PRKD3: variants seen among roughly 807,000 people sequenced by gnomAD.
The protein encoded by PRKD3 is protein kinase D3.
PRKD3 carries 47 observed loss-of-function variants against 99.2 expected under a neutral mutation model. The observed-to-expected ratio is 0.47, with a 90% confidence interval of 0.38 to 0.60. PRKD3 has a LOEUF of 0.60. Among genes scored for constraint, PRKD3 ranks in the 20% least tolerant of loss-of-function variants. PRKD3 has a pLI of 0.00. For synonymous variants in PRKD3, 392 were observed against 355.4 expected (o/e 1.10, Z -1.16); for missense variants, 1,019 against 1,088.4 (o/e 0.94, Z 0.90).
intron 1 of PRKD3, chr2:37,324,354 G>A: frequency 2.6e-6 from 1 of 388,844 alleles, no homozygotes; most frequent in Non-Finnish European, 3.5e-6. Context: ...GTCTCCAGCG[G>A]AGCGCGAACC....
At position 37,266,486 on chromosome 2, in the gene PRKD3, C is replaced by T. The variant is rs535803370; in HGVS notation, c.1884+944G>A. Among the ~76,000 whole-genome samples the T allele has an allele frequency of 3.1e-4, 46 of 148,542 alleles. No homozygotes were observed. In the East Asian group the frequency reaches 5.5e-3, roughly 18 times the overall value. ...GATTACAGGCATGTGCCACCACACC[C>T]GGCTTTTTTTTTTTTTTGAGATGGA... is the stretch of plus-strand genomic sequence containing the variant. On this transcript the variant is annotated intron_variant, in intron 14 of 18. Coordinates refer to ENST00000234179, the MANE Select transcript of PRKD3 (RefSeq NM_005813.6).
At chr2:37,313,665 A>AT (rs1411803118) in intron 2 of PRKD3, among the ~76,000 whole-genome samples, 2 of 152,216 alleles carry the variant, frequency 1.3e-5, no homozygotes, top group East Asian at 3.8e-4. Flanking sequence ...GCAAACACTA[A>AT]TTTTTTATAA....
intron 16 of PRKD3, among the ~76,000 whole-genome samples, chr2:37,258,080 G>A (rs1351378103): frequency 6.6e-6 from 1 of 152,126 alleles, no homozygotes; most frequent in Non-Finnish European, 1.5e-5. Flanking sequence ...ACAAGCAAAT[G>A]CCAGGTACTT....
At chr2:37,254,357 T>C in intron 17 of PRKD3, 68 bp from the exon 18 acceptor site, 2 of 1,218,034 alleles carry the variant, frequency 1.6e-6, no homozygotes, top group Non-Finnish European at 2.4e-6. Context: ...TGTGACTGCC[T>C]AGAAGGCAGT....
At chr2:37,259,530 G>T in intron 16 of PRKD3, 53 bp downstream of exon 16, 3 of 1,375,750 alleles carry the variant, frequency 2.2e-6, no homozygotes, top group Non-Finnish European at 3.1e-6. Flanking sequence ...TATTATGTGG[G>T]TGCTTTGAAA....
intron 15 of PRKD3, 67 bp from the exon 16 acceptor site, chr2:37,259,748 G>A (rs1668263136): frequency 9.9e-6 from 11 of 1,107,218 alleles, no homozygotes; most frequent in Middle Eastern, 2.0e-4. Flanking sequence ...GTGACTCCTT[G>A]AATGATTTAA....
In PRKD3 at chr2:37,263,547, T is replaced by A. The variant is rs146340494; in HGVS notation, c.1885-3163A>T. Among the ~76,000 whole-genome samples, 6 of 152,338 alleles carry A rather than the reference T, an allele frequency of 3.9e-5. No individual in the cohort carries two copies. The East Asian group carries it at 9.6e-4, about 24-fold the overall frequency. ...TTTCTCCTTGTTTTTAGTTTTTCTT[T>A]ATAAATGTTTATGGTGTTATTTGGT... On this transcript the variant is annotated intron_variant, in intron 14 of 18. Transcript: ENST00000234179.
chr2:37,269,472 G>C, intron 13 of PRKD3, 143 bp downstream of exon 13: 1 of 676,444 alleles, frequency 1.5e-6, no homozygotes. Flanking sequence ...CAGTGAGAAG[G>C]ATTTAGCTGA....
intron 2 of PRKD3, 73 bp from the exon 3 acceptor site, chr2:37,293,344 A>G (rs1291020133): frequency 2.9e-6 from 4 of 1,357,380 alleles, no homozygotes; most frequent in African/African-American, 2.9e-5. Context: ...CAATTTTATC[A>G]AAGAATTTAA....
chr2:37,255,559 G>A (rs562779386), intron 17 of PRKD3, among the ~76,000 whole-genome samples: 18 of 152,238 alleles, frequency 1.2e-4, no homozygotes, highest in African/African-American at 4.3e-4. Context: ...TCCCAGCAGA[G>A]GTCCACAGGA....
intron 8 of PRKD3, chr2:37,279,049 A>G (rs764641398): frequency 1.3e-5 from 2 of 152,192 alleles, no homozygotes; most frequent in Non-Finnish European, 2.9e-5. Flanking sequence ...CTGTTATTTA[A>G]TGATAAGCCA....
At chr2:37,302,605 G>A (rs1352722067) in intron 2 of PRKD3, among the ~76,000 whole-genome samples, 2 of 152,216 alleles carry the variant, frequency 1.3e-5, no homozygotes, top group African/African-American at 2.4e-5. Flanking sequence ...TCAGTAAAAT[G>A]TCAGGCAAGG....
chr2:37,311,013 A>G (rs1671401229), intron 2 of PRKD3, among the ~76,000 whole-genome samples: 1 of 152,200 alleles, frequency 6.6e-6, no homozygotes, highest in East Asian at 1.9e-4. Flanking sequence ...TTAGAGCACC[A>G]CTAGGAAGCA....
rs1671686881 is a variant in PRKD3 at position 37,316,839 on chromosome 2, A to G, written c.-315T>C. 8.9e-7 allele frequency: 1 copy of G among 1,120,704 alleles called. No homozygotes were observed. Among genetic ancestry groups the G allele is most frequent in the African/African-American group, 1.6e-5 (1 of 61,114 alleles). The allele number at this position is 1,120,704 out of a possible 1,614,324, so 69.4% of individuals were successfully genotyped here. ...AGGATAGAGTTGACGTAGCTTATTT[A>G]CGAATCTATTTTCCTTTCAGTCTGT... On this transcript the variant is annotated 5_prime_UTR_variant, in exon 2 of 19. The change abolishes the stop of an existing upstream ORF in the 5' untranslated region. Coordinates refer to ENST00000234179, the MANE Select transcript of PRKD3 (RefSeq NM_005813.6).
At chr2:37,264,391 T>C (rs77722128) in intron 14 of PRKD3, among the ~76,000 whole-genome samples, 3,451 of 152,282 alleles carry the variant, frequency 0.023, 58 homozygotes, top group South Asian at 0.041. Flanking sequence ...TTGACAAAGA[T>C]GCCTTGTCTC....
At chr2:37,309,666 G>C (rs889169157) in intron 2 of PRKD3, among the ~76,000 whole-genome samples, 2 of 152,044 alleles carry the variant, frequency 1.3e-5, no homozygotes, top group Non-Finnish European at 2.9e-5. Context: ...TGGCCAACAT[G>C]GTGAAACCCT....
chr2:37,295,767 T>C (rs985474778), intron 2 of PRKD3, among the ~76,000 whole-genome samples: 5 of 152,148 alleles, frequency 3.3e-5, no homozygotes, highest in African/African-American at 4.8e-5. Flanking sequence ...CACTAATGTA[T>C]ACCTAAAAGG....
intron 14 of PRKD3, 83 bp downstream of exon 14, chr2:37,267,346 TA>T (rs373745205): frequency 0.14 from 105,294 of 768,526 alleles, 72 homozygotes; most frequent in Middle Eastern, 0.16. Flanking sequence ...TTTGCCTTCT[TA>T]AAAAAAAAAA....
chr2:37,304,898 C>G (rs541998775), intron 2 of PRKD3, among the ~76,000 whole-genome samples: 2 of 151,702 alleles, frequency 1.3e-5, no homozygotes, highest in Admixed American at 1.3e-4. Context: ...TCAAACTTTC[C>G]GAATTAAAGA....
Sources: allele counts gnomAD v4.1 joint callset (sites outside exome capture counted in the v4.1 genomes callset), GRCh38; gene constraint gnomAD v4.1.1; transcripts MANE v1.5; gene names NCBI Gene and HGNC (gene_info 2026-07-23, HGNC 2026-07-21).